Variants in LINGO2 observed in about 807,000 individuals in gnomAD.
LINGO2 encodes leucine-rich repeat and immunoglobulin-like domain-containing nogo receptor-interacting protein 2.
A neutral mutation model predicts 30.6 loss-of-function variants in LINGO2; 14 were observed. The observed-to-expected ratio is 0.46, with a 90% confidence interval of 0.30 to 0.72. The LOEUF (loss-of-function observed/expected upper bound fraction) is 0.72. LINGO2 is among the 30% of genes least tolerant of loss of function. The probability of loss-of-function intolerance (pLI) is 0.07; values close to 1 mark genes in which losing one functional copy is unlikely to be tolerated. For synonymous variants in LINGO2, 317 were observed against 288.5 expected, an observed-to-expected ratio of 1.10 and a Z score of -1.00; for missense variants, 729 against 751.7, an observed-to-expected ratio of 0.97 and a Z score of 0.35.
chr9:29,043,520 A>G, the LINGO2 span, among the ~76,000 whole-genome samples: 1 of 151,938 alleles, frequency 6.6e-6, no homozygotes, highest in Non-Finnish European at 1.5e-5. Flanking sequence ...TGCACTCTTA[A>G]TTGAGTTCTA....
At chr9:28,728,855 G>A in the LINGO2 span, among the ~76,000 whole-genome samples, 3 of 152,098 alleles carry the variant, frequency 2.0e-5, no homozygotes, top group Non-Finnish European at 4.4e-5. Flanking sequence ...AATCAACAGT[G>A]CCAAGAACGT....
At chr9:28,744,643 T>TTA in the LINGO2 span, among the ~76,000 whole-genome samples, 1 of 149,824 alleles carries the variant, frequency 6.7e-6, no homozygotes, top group African/African-American at 2.5e-5. Context: ...TGTGTGTATT[T>TTA]TTTTTTTTTT....
chr9:28,210,823 T>G lies in LINGO2; in HGVS notation c.-87+84385A>C, dbSNP rs577963697. 1.1e-4 allele frequency among the ~76,000 whole-genome samples: 16 copies of G among 151,650 alleles called. No homozygotes were observed. The South Asian group carries it at 3.3e-3, about 31-fold the overall frequency. ...ATTTTTATTTTTTTCATGAGATTTC[T>G]ATCTGGTTAAACAGGAAGTCTAAAT... On this transcript the variant is annotated intron_variant, in intron 4 of 5. Coordinates refer to ENST00000379992, the Ensembl canonical transcript of LINGO2.
At chr9:28,176,556 A>T (rs1348098556) in intron 4 of LINGO2, among the ~76,000 whole-genome samples, 1 of 152,212 alleles carries the variant, frequency 6.6e-6, no homozygotes, top group Non-Finnish European at 1.5e-5. Context: ...AATGGCCTGA[A>T]TTTAATACAA....
the LINGO2 span, among the ~76,000 whole-genome samples, chr9:28,838,121 C>G: frequency 6.6e-6 from 1 of 152,222 alleles, no homozygotes; most frequent in African/African-American, 2.4e-5. Context: ...CATAATTATA[C>G]TAAGACATTA....
At chr9:29,143,531 G>C in the LINGO2 span, among the ~76,000 whole-genome samples, 1 of 152,042 alleles carries the variant, frequency 6.6e-6, no homozygotes, top group Non-Finnish European at 1.5e-5. Context: ...AATACTCTTA[G>C]ACAAAGGTAC....
chr9:27,957,850 GCTT>G (rs1228070150), intron 5 of LINGO2, among the ~76,000 whole-genome samples: 16 of 152,186 alleles, frequency 1.1e-4, no homozygotes, highest in African/African-American at 3.4e-4. Context: ...TGTTGTACGA[GCTT>G]CTTATCTTTA....
At position 28,007,757 on chromosome 9, in the gene LINGO2, C is replaced by T. The variant is rs558004840; in HGVS notation, c.-36+4598G>A. Among the ~76,000 whole-genome samples, 10 of 152,250 alleles carry T rather than the reference C, an allele frequency of 6.6e-5. 1 individual carries two copies. The East Asian group carries it at 1.2e-3, about 18-fold the overall frequency. ...TTTTATTTTCATAACAATCATCTGA[C>T]GGTTGGATGGCAAACACACCAATTT... On this transcript the variant is annotated intron_variant, in intron 5 of 5. Transcript: ENST00000379992.
chr9:29,164,095 G>T, the LINGO2 span, among the ~76,000 whole-genome samples: 2 of 147,202 alleles, frequency 1.4e-5, no homozygotes, highest in Admixed American at 1.4e-4. Context: ...TGATGAAGGG[G>T]CCTACATGGA....
intron 4 of LINGO2, among the ~76,000 whole-genome samples, chr9:28,030,566 T>A (rs1823616947): frequency 6.6e-6 from 1 of 152,208 alleles, no homozygotes; most frequent in African/African-American, 2.4e-5. Flanking sequence ...AAATAATAAG[T>A]GTTGGCTACT....
chr9:28,576,557 A>G (rs540132866), intron 1 of LINGO2, among the ~76,000 whole-genome samples: 10 of 152,346 alleles, frequency 6.6e-5, no homozygotes, highest in Middle Eastern at 3.4e-3. Context: ...TATTACTTAA[A>G]TAATCAGACA....
chr9:27,992,419 T>C (rs1359394078), intron 5 of LINGO2, among the ~76,000 whole-genome samples: 2 of 152,120 alleles, frequency 1.3e-5, no homozygotes, highest in East Asian at 3.9e-4. Context: ...ATTGAGTCTA[T>C]GTGCCATATT....
In LINGO2 at chr9:28,622,725, T is replaced by C. The variant is rs1826461732; in HGVS notation, c.-365+47475A>G. ...TGGGATTGCTGGATCATATGGCAGC[T>C]CTATTTTTTTTTTTTTTTAGTTTTT... On this transcript the variant is annotated intron_variant, in intron 1 of 5. Coordinates refer to ENST00000379992, the Ensembl canonical transcript of LINGO2. Among the ~76,000 whole-genome samples the C allele has an allele frequency of 1.6e-5, 2 of 128,210 alleles. 1 individual carries two copies. The highest frequency in any genetic ancestry group is 4.8e-4 in the South Asian group (2 of 4,202). The allele number at this position is 128,210 out of a possible 152,430, so 84.1% of individuals were successfully genotyped here.
chr9:28,368,227 C>G (rs117564153), intron 3 of LINGO2, among the ~76,000 whole-genome samples: 270 of 152,124 alleles, frequency 1.8e-3, no homozygotes, highest in Middle Eastern at 3.4e-3. Context: ...CAATTCTCCC[C>G]TCTGTTTATA....
chr9:28,134,904 C>T (rs751013156), intron 4 of LINGO2, among the ~76,000 whole-genome samples: 20 of 152,130 alleles, frequency 1.3e-4, no homozygotes, highest in Admixed American at 6.6e-4. Flanking sequence ...GCTGATTACA[C>T]AGATAAGCTC....
chr9:28,948,297 C>G, the LINGO2 span, among the ~76,000 whole-genome samples: 1 of 152,004 alleles, frequency 6.6e-6, no homozygotes, highest in Non-Finnish European at 1.5e-5. Context: ...GGATGTCTTT[C>G]TAAAAGTTGA....
the LINGO2 span, among the ~76,000 whole-genome samples, chr9:28,971,788 C>A: frequency 1.3e-5 from 2 of 152,186 alleles, no homozygotes; most frequent in African/African-American, 4.8e-5. Context: ...AGCTCCAGGA[C>A]CTTGAGTGAA....
chr9:29,199,388 CA>C, the LINGO2 span, among the ~76,000 whole-genome samples: 18 of 151,146 alleles, frequency 1.2e-4, no homozygotes, highest in African/African-American at 4.1e-4. Flanking sequence ...GAAGATAAAA[CA>C]AAAAAAAATC....
the LINGO2 span, among the ~76,000 whole-genome samples, chr9:29,090,102 G>A: frequency 1.3e-5 from 2 of 151,930 alleles, no homozygotes; most frequent in African/African-American, 4.8e-5. Flanking sequence ...ATTGAAATAT[G>A]GGAGGTCTTT....
Sources: gnomAD v4.1 joint callset for allele counts (sites outside exome capture counted in the v4.1 genomes callset) on GRCh38, gnomAD v4.1.1 for gene constraint, MANE v1.5 for transcripts, NCBI Gene and HGNC (gene_info 2026-07-23, HGNC 2026-07-21) for gene names.